The following ANAPC16 variants were observed in gnomAD, a reference collection of about 807,000 sequenced individuals.
The protein encoded by ANAPC16 is anaphase-promoting complex subunit 16.
A neutral mutation model predicts 13.1 loss-of-function variants in ANAPC16; 6 were observed. The ratio of observed to expected loss-of-function variants is 0.46; its 90% CI spans 0.25 to 0.90. ANAPC16 has a LOEUF of 0.90. Among genes scored for constraint, ANAPC16 ranks in the 40% least tolerant of loss-of-function variants. The pLI, the probability that ANAPC16 is intolerant of heterozygous loss-of-function variation, is 0.18. For synonymous variants in ANAPC16, 55 were observed against 51.3 expected, an observed-to-expected ratio of 1.07 and a Z score of -0.31; for missense variants, 113 against 131.1, an observed-to-expected ratio of 0.86 and a Z score of 0.67.
intron 1 of ANAPC16, among the ~76,000 whole-genome samples, chr10:72,219,621 C>T (rs938994403): frequency 1.3e-5 from 2 of 152,232 alleles, no homozygotes; most frequent in African/African-American, 2.4e-5. Context: ...CCTGTAGTCC[C>T]AACTACTCGG....
chr10:72,232,501 G>A (rs149138828), intron 3 of ANAPC16, among the ~76,000 whole-genome samples: 2,308 of 149,796 alleles, frequency 0.015, 59 homozygotes, highest in African/African-American at 0.054. Context: ...CCGAGATCGC[G>A]CCATTGCACT....
rs117000087 is a variant in ANAPC16 at position 72,231,526 on chromosome 10, C to G, written c.217+1086C>G. On this transcript the variant is annotated intron_variant, in intron 3 of 3. Coordinates refer to ENST00000299381, the MANE Select transcript of ANAPC16 (RefSeq NM_173473.4). ...ACCCTGTCTCTGGAAAAAAATAGGG[C>G]ACATCCTGAAAATGTGATCATTTTA... 1.3e-3 allele frequency among the ~76,000 whole-genome samples: 203 copies of G among 152,182 alleles called. 3 individuals carry two copies. The East Asian group carries it at 0.035, about 26-fold the overall frequency.
rs778530058 is a variant in ANAPC16, at chr10:72,233,802, CAAAT to C, written c.*691_*694del. On this transcript the variant is annotated 3_prime_UTR_variant, in exon 4 of 4. Coordinates refer to ENST00000299381, the MANE Select transcript of ANAPC16 (RefSeq NM_173473.4). ...TTGGTGGACTCAAGCAATTCTGTAG[CAAAT>C]AAATCCTTTGAAAGAGCTCCAAATT... 14 of 152,678 alleles carry C rather than the reference CAAAT, an allele frequency of 9.2e-5. No individual in the cohort carries two copies. Among genetic ancestry groups the C allele is most frequent in the Non-Finnish European group, 1.3e-4 (9 of 68,018 alleles). The allele number at this position is 152,678 out of a possible 1,614,324, so 9.5% of individuals were successfully genotyped here.
intron 1 of ANAPC16, among the ~76,000 whole-genome samples, chr10:72,219,608 G>A (rs982106826): frequency 6.6e-6 from 1 of 152,092 alleles, no homozygotes; most frequent in Non-Finnish European, 1.5e-5. Context: ...GTTCTGGCAC[G>A]TGCCTGTAGT....
At chr10:72,228,558 TATTGCTACCTGCTGTG>T (rs1236514311) in intron 2 of ANAPC16, among the ~76,000 whole-genome samples, 1 of 152,222 alleles carries the variant, frequency 6.6e-6, no homozygotes, top group Non-Finnish European at 1.5e-5. Flanking sequence ...AAAGCTGATG[TATTGCTACCTGCTGTG>T]TTACAAAGGG....
intron 3 of ANAPC16, among the ~76,000 whole-genome samples, chr10:72,232,301 T>C (rs1860339965): frequency 6.6e-6 from 1 of 151,272 alleles, no homozygotes; most frequent in South Asian, 2.1e-4. Flanking sequence ...TCCCAGCACT[T>C]TGGGAGGCTG....
chr10:72,226,893 C>G (rs1413603684), intron 2 of ANAPC16, among the ~76,000 whole-genome samples: 4 of 152,116 alleles, frequency 2.6e-5, no homozygotes, highest in Admixed American at 6.6e-5. Flanking sequence ...ATGTACTTCT[C>G]TCTTTGCCTT....
chr10:72,224,329 A>G (rs1241981863), intron 2 of ANAPC16, among the ~76,000 whole-genome samples: 1 of 152,128 alleles, frequency 6.6e-6, no homozygotes, highest in Non-Finnish European at 1.5e-5. Flanking sequence ...AGGCAGAGTC[A>G]GGGCTGGGCA....
chr10:72,222,792 GGAAA>G (rs1380222804), intron 1 of ANAPC16, among the ~76,000 whole-genome samples: 6 of 152,130 alleles, frequency 3.9e-5, no homozygotes, highest in African/African-American at 7.2e-5. Context: ...AATTAAAAAA[GGAAA>G]GAAAGAAAAT....
chr10:72,232,846 C>T (rs927863491), intron 3 of ANAPC16, among the ~76,000 whole-genome samples, 155 bp from the exon 4 acceptor site: 1 of 151,988 alleles, frequency 6.6e-6, no homozygotes, highest in Non-Finnish European at 1.5e-5. Flanking sequence ...CCTCGTGATC[C>T]GCCCGCCTCG....
In ANAPC16 at chr10:72,230,504, G is replaced by A. The variant is rs1051172438; in HGVS notation, c.217+64G>A. On this transcript the variant is annotated intron_variant, in intron 3 of 3. Transcript: ENST00000299381. The stretch of plus-strand genomic sequence containing the variant: ...AATTTGCTAGGGGGTGGATGAGGCT[G>A]TGACAAAAATCCCCAAACTCAGCAA... 11 of 1,410,988 alleles carry A rather than the reference G, an allele frequency of 7.8e-6. No homozygotes were observed. The Admixed American group carries it at 1.2e-4, about 15-fold the overall frequency. 87.4% of individuals were successfully genotyped at this position (1,410,988 alleles called of 1,614,324 possible).
intron 2 of ANAPC16, among the ~76,000 whole-genome samples, chr10:72,224,835 C>T (rs1860068381): frequency 6.6e-6 from 1 of 152,084 alleles, no homozygotes. Context: ...ACTCCTGACC[C>T]ACTGCAGCAT....
Position 72,235,685 on chromosome 10 carries a change from C to G in ANAPC16, c.*2569C>G, listed in dbSNP as rs1860448733. Reference sequence around the variant, plus strand: ...TGGATTTTCAGTGAGAATTTAGAAGCAATCACTACCTTTCTCGTTTCATTT... The same window carrying G: ...TGGATTTTCAGTGAGAATTTAGAAGGAATCACTACCTTTCTCGTTTCATTT... On this transcript the variant is annotated 3_prime_UTR_variant, in exon 4 of 4. Transcript: ENST00000299381. 1 of 152,144 alleles carries G rather than the reference C, an allele frequency of 6.6e-6. No homozygotes were observed. The highest frequency in any genetic ancestry group is 1.5e-5 in the Non-Finnish European group (1 of 68,034). The allele number at this position is 152,144 out of a possible 1,614,324, so 9.4% of individuals were successfully genotyped here.
At chr10:72,222,882 T>C (rs1217658361) in intron 1 of ANAPC16, among the ~76,000 whole-genome samples, 1 of 152,164 alleles carries the variant, frequency 6.6e-6, no homozygotes, top group Non-Finnish European at 1.5e-5. Flanking sequence ...GTTTTGAACT[T>C]TTGTAAGGTG....
chr10:72,218,161 AAAAAATAT>A (rs1371737689), intron 1 of ANAPC16, among the ~76,000 whole-genome samples: 3 of 40,382 alleles, frequency 7.4e-5, no homozygotes, highest in East Asian at 1.5e-3. Context: ...AAAAAAAAAA[AAAAAATAT>A]ATATATATAT....
chr10:72,218,134 A>T (rs1859647415), intron 1 of ANAPC16, among the ~76,000 whole-genome samples: 1 of 124,058 alleles, frequency 8.1e-6, no homozygotes, highest in Non-Finnish European at 1.6e-5. Context: ...AACAAGAGTG[A>T]AACTCTGTCT....
intron 2 of ANAPC16, among the ~76,000 whole-genome samples, chr10:72,229,312 A>G (rs919253554): frequency 1.0e-4 from 14 of 139,402 alleles, no homozygotes; most frequent in Non-Finnish European, 1.8e-4. Context: ...TGGATACAGT[A>G]TCTATAGTTG....
intron 3 of ANAPC16, 145 bp from the exon 4 acceptor site, chr10:72,232,856 G>A (rs966415417): frequency 6.2e-5 from 39 of 624,602 alleles, no homozygotes; most frequent in African/African-American, 6.1e-4. Context: ...CGCCCGCCTC[G>A]GCCTCCCAAA....
At chr10:72,224,603 ACT>A (rs1332278897) in intron 2 of ANAPC16, among the ~76,000 whole-genome samples, 2 of 138,454 alleles carry the variant, frequency 1.4e-5, no homozygotes, top group Non-Finnish European at 3.0e-5. Flanking sequence ...ACAGAATGAG[ACT>A]CTGTCTCAAA....
Sources: allele counts gnomAD v4.1 joint callset (sites outside exome capture counted in the v4.1 genomes callset), GRCh38; gene constraint gnomAD v4.1.1; transcripts MANE v1.5; gene names NCBI Gene and HGNC (gene_info 2026-07-23, HGNC 2026-07-21).